Variants in DIP2B observed in about 807,000 individuals in gnomAD.
The protein encoded by DIP2B is DIP2 acetate--CoA ligase B (putative), also known as disco-interacting protein 2 homolog B.
Under a neutral mutation model 198.0 loss-of-function variants are expected in DIP2B, and 76 were observed. The ratio of observed to expected loss-of-function variants is 0.38; its 90% CI spans 0.32 to 0.46. DIP2B has a LOEUF of 0.46. DIP2B is among the 20% of genes least tolerant of loss of function. The pLI, the probability that DIP2B is intolerant of heterozygous loss-of-function variation, is 0.99. For synonymous variants in DIP2B, 701 were observed against 739.1 expected, an observed-to-expected ratio of 0.95 and a Z score of 0.84; for missense variants, 1,559 against 1,978.4, an observed-to-expected ratio of 0.79 and a Z score of 4.02.
rs1248217373 is a variant in DIP2B, at chr12:50,747,112, T to A, written c.*2273T>A. 6.6e-6 allele frequency: 1 copy of A among 152,076 alleles called. No individual in the cohort carries two copies. Among genetic ancestry groups the A allele is most frequent in the African/African-American group, 2.4e-5 (1 of 41,380 alleles). The allele number at this position is 152,076 out of a possible 1,614,324, so 9.4% of individuals were successfully genotyped here. A position where few individuals can be genotyped will look rare whatever the true frequency, so the allele number is the denominator to read the frequency against. ...GATCAATATAAAAATTATTAATGAGTTATTTTACTTTTTTTCATATTAGGC... is the reference window on the plus strand; with the variant it reads ...GATCAATATAAAAATTATTAATGAGATATTTTACTTTTTTTCATATTAGGC... On this transcript the variant is annotated 3_prime_UTR_variant, in exon 38 of 38. Transcript: ENST00000301180.
chr12:50,630,922 C>T lies in DIP2B; in HGVS notation c.172+4875C>T, dbSNP rs193213595. ...CTGACCTCAGGTGATCCACCCACCT[C>T]GGCCTCCCAAAGTGCTGGGATTACA... On this transcript the variant is annotated intron_variant, in intron 2 of 37. Coordinates refer to ENST00000301180, the MANE Select transcript of DIP2B (RefSeq NM_173602.3). Among the ~76,000 whole-genome samples the T allele has an allele frequency of 3.7e-3, 569 of 152,170 alleles. 4 individuals are homozygous for T. Among genetic ancestry groups the T allele is most frequent in the African/African-American group, 0.013 (531 of 41,520 alleles).
At chr12:50,557,443 C>T (rs1958481237) in intron 1 of DIP2B, among the ~76,000 whole-genome samples, 1 of 152,116 alleles carries the variant, frequency 6.6e-6, no homozygotes, top group Non-Finnish European at 1.5e-5. Flanking sequence ...GGGCACCATC[C>T]CCTCCATGTC....
chr12:50,744,563 A>G, intron 37 of DIP2B, 24 bp from the exon 38 acceptor site: 1 of 1,609,892 alleles, frequency 6.2e-7, no homozygotes, highest in Non-Finnish European at 8.5e-7. Context: ...GTGACAAGTT[A>G]ATGAATTGTC....
chr12:50,686,726 G>T, intron 12 of DIP2B, 44 bp downstream of exon 12: 1 of 1,558,124 alleles, frequency 6.4e-7, no homozygotes, highest in South Asian at 1.2e-5. Flanking sequence ...TTTTCCTTGG[G>T]CTTTGCTTGC....
At chr12:50,705,600 A>G (rs146813084) in intron 20 of DIP2B, among the ~76,000 whole-genome samples, 75 of 152,382 alleles carry the variant, frequency 4.9e-4, no homozygotes, top group African/African-American at 1.7e-3. Context: ...TTGGTCAGCC[A>G]TGCCCAGCTA....
chr12:50,505,309 C>A, intron 1 of DIP2B, 69 bp downstream of exon 1: 3 of 1,289,152 alleles, frequency 2.3e-6, no homozygotes, highest in Non-Finnish European at 3.0e-6. Context: ...GACAGGTCCC[C>A]GCCGCGCGCT....
chr12:50,544,421 G>A (rs776112826), intron 1 of DIP2B, among the ~76,000 whole-genome samples: 68 of 151,906 alleles, frequency 4.5e-4, no homozygotes, highest in Non-Finnish European at 8.5e-4. Context: ...ATTCTCCCGC[G>A]TCAGCCACCC....
At chr12:50,678,548 T>A (rs1171233696) in intron 7 of DIP2B, 131 bp from the exon 8 acceptor site, 9 of 957,910 alleles carry the variant, frequency 9.4e-6, no homozygotes, top group Non-Finnish European at 1.4e-5. Context: ...TTTCTAACCA[T>A]GTCCTTTCTC....
At chr12:50,633,171 CATAA>C (rs1938093802) in intron 2 of DIP2B, 2 of 152,052 alleles carry the variant, frequency 1.3e-5, no homozygotes, top group Non-Finnish European at 2.9e-5. Context: ...TCAAATGTTA[CATAA>C]ATCTTTAAAA....
chr12:50,606,068 C>G (rs1958978934), intron 1 of DIP2B, among the ~76,000 whole-genome samples: 1 of 152,188 alleles, frequency 6.6e-6, no homozygotes, highest in African/African-American at 2.4e-5. Context: ...AGCAGTTCAC[C>G]CATCTTGGCC....
chr12:50,733,139 C>A (rs528553389), intron 32 of DIP2B, among the ~76,000 whole-genome samples: 71 of 152,116 alleles, frequency 4.7e-4, no homozygotes, highest in African/African-American at 1.7e-3. Flanking sequence ...CTCCTGACCT[C>A]AAGTGATCCA....
At chr12:50,705,253 A>G (rs1939493898) in intron 20 of DIP2B, among the ~76,000 whole-genome samples, 1 of 152,156 alleles carries the variant, frequency 6.6e-6, no homozygotes, top group South Asian at 2.1e-4. Flanking sequence ...TAAGAGATCT[A>G]ATTTTATTTT....
At chr12:50,669,323 A>G (rs1938809493) in intron 4 of DIP2B, among the ~76,000 whole-genome samples, 1 of 152,224 alleles carries the variant, frequency 6.6e-6, no homozygotes, top group Admixed American at 6.5e-5. Context: ...TTAAAAAGCA[A>G]AAACAGTCAC....
chr12:50,738,454 G>A (rs889576149), intron 35 of DIP2B, among the ~76,000 whole-genome samples: 4 of 152,098 alleles, frequency 2.6e-5, no homozygotes, highest in Non-Finnish European at 4.4e-5. Flanking sequence ...GGCCAACTGG[G>A]CAACATAGCA....
At chr12:50,551,487 G>A (rs974534389) in intron 1 of DIP2B, among the ~76,000 whole-genome samples, 3 of 152,064 alleles carry the variant, frequency 2.0e-5, no homozygotes, top group African/African-American at 4.8e-5. Flanking sequence ...TTTGTTTCCC[G>A]GGCTGGCGTG....
intron 8 of DIP2B, 46 bp from the exon 9 acceptor site, chr12:50,680,626 G>GTT: frequency 3.4e-5 from 50 of 1,469,546 alleles, no homozygotes; most frequent in South Asian, 6.1e-5. Context: ...AGGTAGACCT[G>GTT]TTTTTTTTTC....
intron 2 of DIP2B, among the ~76,000 whole-genome samples, chr12:50,626,422 C>T (rs1937936480): frequency 1.3e-5 from 2 of 152,176 alleles, no homozygotes; most frequent in African/African-American, 4.8e-5. Flanking sequence ...GATCCCCTAT[C>T]GAATGGCAAT....
chr12:50,623,437 A>ACACACACACACT (rs1308369241), intron 1 of DIP2B, among the ~76,000 whole-genome samples: 21 of 57,160 alleles, frequency 3.7e-4, no homozygotes, highest in African/African-American at 1.5e-3. Context: ...ACACACACAC[A>ACACACACACACT]CTCTCTCTCT....
At chr12:50,518,235 T>C (rs1958083379) in intron 1 of DIP2B, among the ~76,000 whole-genome samples, 1 of 151,840 alleles carries the variant, frequency 6.6e-6, no homozygotes, top group Non-Finnish European at 1.5e-5. Context: ...TTTTTTTTTT[T>C]TTTTTTGAGA....
Sources: gnomAD v4.1 joint callset for allele counts (sites outside exome capture counted in the v4.1 genomes callset) on GRCh38, gnomAD v4.1.1 for gene constraint, MANE v1.5 for transcripts, NCBI Gene and HGNC (gene_info 2026-07-23, HGNC 2026-07-21) for gene names.